Variants in PDXDC1 observed in about 807,000 individuals in gnomAD.
The protein encoded by PDXDC1 is pyridoxal-dependent decarboxylase domain-containing protein 1.
Under a neutral mutation model 100.1 loss-of-function variants are expected in PDXDC1, and 42 were observed. The observed-to-expected ratio is 0.42, with a 90% confidence interval of 0.33 to 0.54. The LOEUF (loss-of-function observed/expected upper bound fraction) is 0.54, where lower values mean the gene tolerates loss of function less well. Ranked by LOEUF, PDXDC1 falls within the 20% of genes least tolerant of loss-of-function variation. The pLI is 0.10. For missense variants in PDXDC1, 636 were observed against 979.2 expected (o/e 0.65, Z 4.68); for synonymous variants, 260 against 371.7 (o/e 0.70, Z 3.46).
the PDXDC1 span, among the ~76,000 whole-genome samples, chr16:15,151,089 ACT>A: frequency 6.7e-5 from 1 of 14,932 alleles, no homozygotes; most frequent in East Asian, 1.6e-3. Context: ...CAAGAGCGAA[ACT>A]CTGTCTCAAA....
intron 3 of PDXDC1, among the ~76,000 whole-genome samples, chr16:14,999,743 T>C (rs1972753893): frequency 6.6e-6 from 1 of 152,262 alleles, no homozygotes; most frequent in African/African-American, 2.4e-5. Flanking sequence ...AAATCTGTCA[T>C]GTTTGAGTAG....
chr16:15,109,958 A>T (rs1487576816), intron 16 of PDXDC1, among the ~76,000 whole-genome samples: 1 of 144,978 alleles, frequency 6.9e-6, no homozygotes, highest in Non-Finnish European at 1.5e-5. Flanking sequence ...GTTCGAGACC[A>T]GCCTGGACAA....
downstream of PDXDC1, chr16:15,041,029 G>A: frequency 7.0e-7 from 1 of 1,422,850 alleles, no homozygotes; most frequent in East Asian, 2.3e-5. Context: ...CTGCACATGT[G>A]ACCAAGACTC....
chr16:15,003,056 T>G (rs1236979340), intron 4 of PDXDC1, among the ~76,000 whole-genome samples: 1 of 152,252 alleles, frequency 6.6e-6, no homozygotes, highest in East Asian at 1.9e-4. Flanking sequence ...TCCTTCTTTT[T>G]TACAGTTATT....
downstream of PDXDC1, among the ~76,000 whole-genome samples, chr16:15,142,812 C>A (rs1312213316): frequency 2.0e-5 from 3 of 151,940 alleles, no homozygotes; most frequent in Admixed American, 6.6e-5. Flanking sequence ...TGCCCTGCCC[C>A]CACGTTCTGG....
intron 8 of PDXDC1, among the ~76,000 whole-genome samples, chr16:15,013,664 C>G (rs981397922): frequency 6.6e-5 from 10 of 152,244 alleles, no homozygotes; most frequent in African/African-American, 2.4e-4. Flanking sequence ...ATCACAAGGT[C>G]AGGAGTTCAA....
At chr16:15,114,877 C>T (rs1199649653) in intron 16 of PDXDC1, among the ~76,000 whole-genome samples, 1 of 123,272 alleles carries the variant, frequency 8.1e-6, no homozygotes, top group Admixed American at 8.3e-5. Context: ...TTGAGCCACA[C>T]ATAACATACA....
At chr16:15,005,504 A>G (rs1974074016) in intron 5 of PDXDC1, among the ~76,000 whole-genome samples, 1 of 152,282 alleles carries the variant, frequency 6.6e-6, no homozygotes, top group Admixed American at 6.5e-5. Flanking sequence ...AACTTGAGAC[A>G]TTTATCTTGA....
chr16:15,084,053 C>A (rs989421238), intron 16 of PDXDC1, among the ~76,000 whole-genome samples: 6 of 152,212 alleles, frequency 3.9e-5, no homozygotes, highest in Non-Finnish European at 8.8e-5. Context: ...CTGAGAAAAT[C>A]TATAACGACT....
intron 14 of PDXDC1, among the ~76,000 whole-genome samples, chr16:15,027,523 G>A (rs1319197144): frequency 5.9e-5 from 9 of 152,406 alleles, no homozygotes; most frequent in Non-Finnish European, 1.3e-4. Flanking sequence ...CGGAAGAATG[G>A]GATCACATGT....
At chr16:15,097,978 G>A (rs1249793981) in intron 16 of PDXDC1, among the ~76,000 whole-genome samples, 1 of 105,544 alleles carries the variant, frequency 9.5e-6, no homozygotes, top group Non-Finnish European at 1.7e-5. Flanking sequence ...GTCTCCCTCT[G>A]TTGCCCAGGC....
At chr16:15,095,421 T>G (rs903844208) in intron 16 of PDXDC1, among the ~76,000 whole-genome samples, 1 of 152,076 alleles carries the variant, frequency 6.6e-6, no homozygotes, top group Non-Finnish European at 1.5e-5. Context: ...ATTATCTGGG[T>G]GTGGTGGCAC....
At chr16:15,069,169 C>T (rs572196597) in intron 16 of PDXDC1, among the ~76,000 whole-genome samples, 1 of 152,276 alleles carries the variant, frequency 6.6e-6, no homozygotes, top group South Asian at 2.1e-4. Context: ...GAGACTGCGA[C>T]CCCCGCAGAG....
rs1307115824 is a variant in PDXDC1 at position 15,130,262 on chromosome 16, G to T, written c.1400-8617G>T. On this transcript the variant is annotated intron_variant, in intron 16 of 16. Coordinates refer to the PDXDC1 transcript ENST00000535621. Reference sequence around the variant, plus strand: ...AGAGGCTGGCGCCGAAGGCGGTGAGGTGGCGGGTGAGGCAGACGGCCTGGC... The same window carrying T: ...AGAGGCTGGCGCCGAAGGCGGTGAGTTGGCGGGTGAGGCAGACGGCCTGGC... 5.2e-6 allele frequency: 8 copies of T among 1,546,966 alleles called. No individual in the cohort carries two copies. In the East Asian group the frequency reaches 2.0e-4, roughly 38 times the overall value.
At chr16:15,144,088 G>A (rs1029284887), downstream of PDXDC1, among the ~76,000 whole-genome samples, 24 of 152,146 alleles carry the variant, frequency 1.6e-4, no homozygotes, top group South Asian at 4.2e-4. Flanking sequence ...GCCAGGCCCC[G>A]TCCTCTCCTG....
chr16:15,072,862 C>T, intron 16 of PDXDC1: 1 of 1,308,120 alleles, frequency 7.6e-7, no homozygotes, highest in Non-Finnish European at 1.1e-6. Flanking sequence ...TTATTTACTT[C>T]ATGGTCTCCG....
intron 16 of PDXDC1, chr16:15,130,516 C>G (rs572323902): frequency 2.2e-6 from 3 of 1,335,532 alleles, no homozygotes; most frequent in East Asian, 2.3e-5. Flanking sequence ...ATCGGAGTCC[C>G]AGAGCCCATA....
the PDXDC1 span, among the ~76,000 whole-genome samples, chr16:15,144,691 T>A: frequency 2.0e-5 from 3 of 152,122 alleles, no homozygotes; most frequent in Non-Finnish European, 4.4e-5. Flanking sequence ...ATGGGCAGCC[T>A]CAGGTCCTCC....
chr16:15,043,965 G>A (rs1367398720), intron 16 of PDXDC1, among the ~76,000 whole-genome samples: 8 of 152,010 alleles, frequency 5.3e-5, no homozygotes, highest in Non-Finnish European at 1.0e-4. Context: ...GAAAAAAAAA[G>A]AAAAAATTTG....
Sources: gnomAD v4.1 joint callset for allele counts (sites outside exome capture counted in the v4.1 genomes callset) on GRCh38, gnomAD v4.1.1 for gene constraint, MANE v1.5 for transcripts, NCBI Gene and HGNC (gene_info 2026-07-23, HGNC 2026-07-21) for gene names.